Variants in EEFSEC observed in about 807,000 individuals in gnomAD.
The protein encoded by EEFSEC is selenocysteine-specific elongation factor.
EEFSEC carries 43 observed loss-of-function variants against 42.1 expected under a neutral mutation model. The observed-to-expected ratio is 1.02, with a 90% CI of 0.80 to 1.32. EEFSEC has a LOEUF of 1.32. EEFSEC is among the 40% of genes most tolerant of loss of function. The pLI, the probability that EEFSEC is intolerant of heterozygous loss-of-function variation, is 0.00. For synonymous variants in EEFSEC, 354 were observed against 339.1 expected (o/e 1.04, Z -0.48); for missense variants, 745 against 803.6 (o/e 0.93, Z 0.88).
intron 1 of EEFSEC, among the ~76,000 whole-genome samples, chr3:128,182,330 T>G (rs62271745): frequency 6.6e-6 from 1 of 151,758 alleles, no homozygotes; most frequent in Admixed American, 6.6e-5. Flanking sequence ...AAAAAAAAAT[T>G]CTGTAGTAAG....
chr3:128,235,969 T>TG (rs1469886931), intron 1 of EEFSEC, among the ~76,000 whole-genome samples: 2 of 152,060 alleles, frequency 1.3e-5, no homozygotes, highest in South Asian at 2.1e-4. Flanking sequence ...TTTGTTTGTT[T>TG]GTTTGTTTGT....
At chr3:128,251,730 T>C (rs1418710248) in intron 2 of EEFSEC, among the ~76,000 whole-genome samples, 1 of 152,198 alleles carries the variant, frequency 6.6e-6, no homozygotes, top group Non-Finnish European at 1.5e-5. Context: ...TACAAATAAG[T>C]CTTTGGCATT....
intron 1 of EEFSEC, among the ~76,000 whole-genome samples, chr3:128,166,745 C>T (rs1012603043): frequency 2.0e-5 from 3 of 151,996 alleles, no homozygotes; most frequent in Admixed American, 6.5e-5. Flanking sequence ...AGTGTGTCCT[C>T]CTCCTTCACC....
chr3:128,250,583 A>G, intron 2 of EEFSEC, among the ~76,000 whole-genome samples: 1 of 152,106 alleles, frequency 6.6e-6, no homozygotes, highest in Non-Finnish European at 1.5e-5. Context: ...TTTCTGTTCT[A>G]TTCCATTGGT....
chr3:128,263,554 T>G (rs906683692), intron 3 of EEFSEC, among the ~76,000 whole-genome samples: 2 of 152,258 alleles, frequency 1.3e-5, no homozygotes, highest in African/African-American at 4.8e-5. Context: ...TCAAAAATGC[T>G]GCTTTGAAAG....
chr3:128,417,660 C>T, the EEFSEC span, among the ~76,000 whole-genome samples: 1 of 152,144 alleles, frequency 6.6e-6, no homozygotes, highest in Admixed American at 6.5e-5. The surrounding 1 kb of genome is among the most constrained non-coding windows in gnomAD (Gnocchi z 4.3). Context: ...CCAGCACATG[C>T]CTGGCGCTCC....
chr3:128,291,809 A>G (rs1380167324), intron 4 of EEFSEC, among the ~76,000 whole-genome samples: 1 of 152,194 alleles, frequency 6.6e-6, no homozygotes, highest in Non-Finnish European at 1.5e-5. Flanking sequence ...GCCAGGAAGT[A>G]CAGTACAATG....
intron 1 of EEFSEC, among the ~76,000 whole-genome samples, chr3:128,222,682 A>G (rs761936005): frequency 6.6e-6 from 1 of 152,202 alleles, no homozygotes; most frequent in Non-Finnish European, 1.5e-5. Flanking sequence ...CATGTTGAAC[A>G]TTTGTTTGCA....
rs372569720 is a variant in EEFSEC at position 128,184,824 on chromosome 3, G to A, written c.316+31001G>A. ...AGGGACAGTTTAGAAATTCTCAATT[G>A]TATCACAAACTCTGCAGTGATTGTA... On this transcript the variant is annotated intron_variant, in intron 1 of 6. Coordinates refer to ENST00000254730, the MANE Select transcript of EEFSEC (RefSeq NM_021937.5). Among the ~76,000 whole-genome samples, 4 of 152,118 alleles carry A rather than the reference G, an allele frequency of 2.6e-5. No homozygotes were observed. In the South Asian group the frequency reaches 8.3e-4, roughly 32 times the overall value.
At chr3:128,300,967 G>A (rs1303208276) in intron 4 of EEFSEC, among the ~76,000 whole-genome samples, 1 of 150,838 alleles carries the variant, frequency 6.6e-6, no homozygotes, top group East Asian at 1.9e-4. Context: ...TTATCTTATT[G>A]TCTATTTAAG....
chr3:128,194,996 CCTT>C (rs1309196105), intron 1 of EEFSEC, among the ~76,000 whole-genome samples: 12 of 152,200 alleles, frequency 7.9e-5, no homozygotes, highest in African/African-American at 2.9e-4. Flanking sequence ...CCTCGCTCCT[CCTT>C]CTTGGAGCTG....
At chr3:128,158,000 C>A (rs996336775) in intron 1 of EEFSEC, among the ~76,000 whole-genome samples, 9 of 152,132 alleles carry the variant, frequency 5.9e-5, no homozygotes, top group African/African-American at 2.2e-4. Flanking sequence ...ATTTGTGATT[C>A]ATGGGAGGAG....
chr3:128,396,788 G>A (rs1576701933), intron 6 of EEFSEC, among the ~76,000 whole-genome samples: 2 of 152,366 alleles, frequency 1.3e-5, no homozygotes, highest in East Asian at 1.9e-4. Context: ...ATGGTGCCTA[G>A]CCTGTAAAGG....
chr3:128,348,097 C>G (rs2067333983), intron 5 of EEFSEC, among the ~76,000 whole-genome samples: 1 of 152,122 alleles, frequency 6.6e-6, no homozygotes, highest in Non-Finnish European at 1.5e-5. Flanking sequence ...AAGACAAAAT[C>G]TCTGCCCACA....
chr3:128,154,290 G>C (rs1944328014), intron 1 of EEFSEC, among the ~76,000 whole-genome samples: 1 of 151,982 alleles, frequency 6.6e-6, no homozygotes, highest in African/African-American at 2.4e-5. Flanking sequence ...AAGCATATCT[G>C]TGTGTATGTA....
chr3:128,351,542 T>G (rs1262831620), intron 5 of EEFSEC, among the ~76,000 whole-genome samples: 1 of 152,226 alleles, frequency 6.6e-6, no homozygotes, highest in Non-Finnish European at 1.5e-5. Context: ...GGCACAGGGC[T>G]CCATTTCATG....
At chr3:128,424,192 C>T in the EEFSEC span, among the ~76,000 whole-genome samples, 1 of 152,208 alleles carries the variant, frequency 6.6e-6, no homozygotes, top group Non-Finnish European at 1.5e-5. Flanking sequence ...CTGCTGCTGG[C>T]TGCTCCCTAC....
intron 6 of EEFSEC, among the ~76,000 whole-genome samples, chr3:128,399,104 A>T (rs200673889): frequency 8.9e-6 from 1 of 112,268 alleles, no homozygotes; most frequent in Non-Finnish European, 1.6e-5. Flanking sequence ...ATAAATAAAT[A>T]AAATAAAAAA....
At chr3:128,330,375 G>A (rs1022161148) in intron 4 of EEFSEC, among the ~76,000 whole-genome samples, 1 of 152,174 alleles carries the variant, frequency 6.6e-6, no homozygotes, top group African/African-American at 2.4e-5. Context: ...ACTGTGCTGA[G>A]GATCGGTGGT....
Sources: allele counts gnomAD v4.1 joint callset (sites outside exome capture counted in the v4.1 genomes callset), GRCh38; gene constraint gnomAD v4.1.1; non-coding constraint Gnocchi (gnomAD v3.1); transcripts MANE v1.5; gene names NCBI Gene and HGNC (gene_info 2026-07-23, HGNC 2026-07-21).